HYDIN: variants seen among roughly 807,000 people sequenced by gnomAD.
HYDIN encodes the protein HYDIN axonemal central pair apparatus protein.
In HYDIN, 132 loss-of-function variants were observed where a neutral mutation model predicts 403.9. The ratio of observed to expected loss-of-function variants is 0.33; its 90% CI spans 0.28 to 0.38. The LOEUF is 0.38. Among genes scored for constraint, HYDIN ranks in the 10% least tolerant of loss-of-function variants. The pLI, the probability that HYDIN is intolerant of heterozygous loss-of-function variation, is 1.00. For synonymous variants in HYDIN, 1,202 were observed against 1,891.7 expected, an observed-to-expected ratio of 0.64 and a Z score of 9.46; for missense variants, 2,827 against 5,009.5, an observed-to-expected ratio of 0.56 and a Z score of 13.15.
intron 1 of HYDIN, among the ~76,000 whole-genome samples, chr16:71,214,448 T>C (rs1467927862): frequency 2.0e-5 from 3 of 152,186 alleles, no homozygotes; most frequent in African/African-American, 4.8e-5. Context: ...ACAAAGATTA[T>C]ATTGAAGAAG....
At chr16:70,831,201 A>T (rs867837867) in intron 80 of HYDIN, among the ~76,000 whole-genome samples, 1 of 151,876 alleles carries the variant, frequency 6.6e-6, no homozygotes, top group South Asian at 2.1e-4. Flanking sequence ...CTTGACTGAC[A>T]AACTCCAATG....
intron 1 of HYDIN, among the ~76,000 whole-genome samples, chr16:71,221,166 G>C (rs543079682): frequency 1.5e-4 from 23 of 151,858 alleles, no homozygotes; most frequent in Non-Finnish European, 2.9e-5. Context: ...CACTTTCAAC[G>C]TTTGGGTCAA....
At chr16:71,103,736 T>C (rs1296053944) in intron 10 of HYDIN, among the ~76,000 whole-genome samples, 1 of 151,586 alleles carries the variant, frequency 6.6e-6, no homozygotes, top group Non-Finnish European at 1.5e-5. Context: ...CTAGGTTGTT[T>C]GCATTTCCAT....
At chr16:70,905,198 C>T (rs2143767963) in intron 50 of HYDIN, among the ~76,000 whole-genome samples, 1 of 152,114 alleles carries the variant, frequency 6.6e-6, no homozygotes, top group African/African-American at 2.4e-5. Flanking sequence ...TGAATATCTG[C>T]CAAAGGGGTG....
intron 43 of HYDIN, among the ~76,000 whole-genome samples, chr16:70,939,315 A>T (rs1324123102): frequency 6.6e-6 from 1 of 152,254 alleles, no homozygotes; most frequent in Non-Finnish European, 1.5e-5. Flanking sequence ...CTCAGCAGTC[A>T]TCAAGCCTCC....
intron 1 of HYDIN, among the ~76,000 whole-genome samples, chr16:71,228,323 A>G (rs918217534): frequency 1.3e-5 from 2 of 152,166 alleles, no homozygotes; most frequent in African/African-American, 4.8e-5. Context: ...GATCTAATTA[A>G]ACTAAAGAGC....
chr16:70,923,675 G>T (rs1435718470), intron 45 of HYDIN, among the ~76,000 whole-genome samples: 2 of 136,984 alleles, frequency 1.5e-5, no homozygotes, highest in Non-Finnish European at 3.1e-5. Flanking sequence ...AAAAAAATTA[G>T]CTGGGTGTGG....
intron 6 of HYDIN, among the ~76,000 whole-genome samples, chr16:71,160,308 T>C (rs1478356120): frequency 6.7e-6 from 1 of 149,546 alleles, no homozygotes; most frequent in Non-Finnish European, 1.5e-5. Context: ...TTAATAGCCC[T>C]GCTGGAGCCG....
At chr16:71,024,249 GC>G (rs1017866579) in intron 21 of HYDIN, among the ~76,000 whole-genome samples, 1 of 152,048 alleles carries the variant, frequency 6.6e-6, no homozygotes, top group African/African-American at 2.4e-5. Flanking sequence ...ATGGACTTTT[GC>G]CATCCTTGGC....
intron 8 of HYDIN, among the ~76,000 whole-genome samples, chr16:71,135,930 G>T (rs1485345480): frequency 6.6e-6 from 1 of 151,018 alleles, no homozygotes; most frequent in Non-Finnish European, 1.5e-5. Flanking sequence ...CACTGGGGGG[G>T]TTCTTCCTGG....
intron 84 of HYDIN, chr16:70,811,570 G>C (rs978765190): frequency 6.7e-5 from 10 of 150,222 alleles, no homozygotes; most frequent in Admixed American, 4.6e-4. Flanking sequence ...AGATAAAATA[G>C]ACATGTGTAT....
At chr16:70,809,161 C>T (rs542223772) in intron 85 of HYDIN, among the ~76,000 whole-genome samples, 1 of 152,274 alleles carries the variant, frequency 6.6e-6, no homozygotes, top group African/African-American at 2.4e-5. Context: ...GCGATCTTCC[C>T]ACCTGAGCCT....
chr16:71,115,864 A>G, intron 9 of HYDIN, 69 bp from the exon 10 acceptor site: 1 of 837,436 alleles, frequency 1.2e-6, no homozygotes, highest in East Asian at 2.5e-5. Context: ...AAGTGTTATT[A>G]CATTAAAACT....
At chr16:70,859,145 C>CA (rs1240027683) in intron 71 of HYDIN, among the ~76,000 whole-genome samples, 2 of 151,546 alleles carry the variant, frequency 1.3e-5, no homozygotes, top group Non-Finnish European at 2.9e-5. Flanking sequence ...ACTAAAAATA[C>CA]AAAAAATTAG....
At chr16:71,158,366 G>C (rs2085860345) in intron 6 of HYDIN, among the ~76,000 whole-genome samples, 1 of 152,092 alleles carries the variant, frequency 6.6e-6, no homozygotes, top group Non-Finnish European at 1.5e-5. Context: ...TTCTATATTA[G>C]GAAAACATAA....
chr16:70,998,073 A>G (rs1330230896), intron 23 of HYDIN, among the ~76,000 whole-genome samples: 1 of 152,148 alleles, frequency 6.6e-6, no homozygotes, highest in East Asian at 1.9e-4. Context: ...AAAACTACCT[A>G]GGCAATTCAC....
intron 8 of HYDIN, among the ~76,000 whole-genome samples, chr16:71,134,653 A>C (rs6499476): frequency 0.089 from 13,083 of 147,734 alleles, 1,927 homozygotes; most frequent in African/African-American, 0.31. Flanking sequence ...ACACTCACAG[A>C]AAGAGCACCA....
chr16:70,937,983 C>T (rs1295220863), intron 44 of HYDIN, among the ~76,000 whole-genome samples: 2 of 152,240 alleles, frequency 1.3e-5, no homozygotes, highest in East Asian at 3.9e-4. Flanking sequence ...ATGGGGGGAT[C>T]GAGTAGTTTC....
chr16:71,149,274 A>G (rs1166157836), intron 7 of HYDIN, among the ~76,000 whole-genome samples: 1 of 151,864 alleles, frequency 6.6e-6, no homozygotes, highest in African/African-American at 2.4e-5. Flanking sequence ...AAAGACTGAC[A>G]TGACCAAGAG....
Sources: allele counts gnomAD v4.1 joint callset (sites outside exome capture counted in the v4.1 genomes callset), GRCh38; gene constraint gnomAD v4.1.1; transcripts MANE v1.5; gene names NCBI Gene and HGNC (gene_info 2026-07-23, HGNC 2026-07-21).